Variants in TAF1B observed in about 807,000 individuals in gnomAD.
The protein encoded by TAF1B is TATA box-binding protein-associated factor RNA polymerase I subunit B.
TAF1B carries 61 observed loss-of-function variants against 83.9 expected under a neutral mutation model. The observed-to-expected ratio is 0.73, with a 90% CI of 0.59 to 0.90. The LOEUF (loss-of-function observed/expected upper bound fraction) is 0.90, where lower values mean the gene tolerates loss of function less well. TAF1B is among the 40% of genes least tolerant of loss of function. The pLI is 0.00. For synonymous variants in TAF1B, 221 were observed against 224.6 expected, an observed-to-expected ratio of 0.98 and a Z score of 0.14; for missense variants, 625 against 677.0, an observed-to-expected ratio of 0.92 and a Z score of 0.85.
intron 5 of TAF1B, among the ~76,000 whole-genome samples, chr2:9,854,997 G>T (rs287993): frequency 0.21 from 29,499 of 141,520 alleles, 3,626 homozygotes; most frequent in Non-Finnish European, 0.31. Context: ...TTGTTCATTT[G>T]TTTGGTTTTT....
intron 14 of TAF1B, among the ~76,000 whole-genome samples, chr2:9,933,155 G>A (rs867056380): frequency 2.2e-4 from 33 of 152,152 alleles, no homozygotes; most frequent in African/African-American, 6.8e-4. Flanking sequence ...CTCACCCTCC[G>A]TGGGCTGCAC....
In TAF1B at chr2:9,919,581, T is replaced by C. The variant is rs749214092; in HGVS notation, c.1343-17T>C. The C allele has an allele frequency of 5.3e-5, 85 of 1,605,146 alleles. No homozygotes were observed. In the African/African-American group the frequency reaches 9.2e-4, roughly 17 times the overall value. On this transcript the variant is annotated splice_polypyrimidine_tract_variant and intron_variant, in intron 13 of 14. Transcript: ENST00000263663. Reference sequence around the variant, plus strand: ...ACATTACTTGTTATTTTGTTTCCTTTTTTTCTCCGGTTCCAGAAATGGTGG... The same window carrying C: ...ACATTACTTGTTATTTTGTTTCCTTCTTTTCTCCGGTTCCAGAAATGGTGG...
In TAF1B at chr2:9,889,922, C is replaced by T. The variant is rs145846052; in HGVS notation, c.807+7117C>T. ...TGAGCTTTGGAAATTGTTTGCTCTA[C>T]TGCTTTCCTGTTATTTTTTTCCCTG... On this transcript the variant is annotated intron_variant, in intron 8 of 14. Coordinates refer to ENST00000263663, the MANE Select transcript of TAF1B (RefSeq NM_005680.3). Among the ~76,000 whole-genome samples the T allele has an allele frequency of 3.3e-5, 5 of 152,320 alleles. No homozygotes were observed. In the East Asian group the frequency reaches 9.6e-4, roughly 29 times the overall value.
rs943703290 is a variant in TAF1B at position 9,914,045 on chromosome 2, A to G, written c.1271+796A>G. 1.3e-5 allele frequency among the ~76,000 whole-genome samples: 2 copies of G among 152,230 alleles called. No individual in the cohort carries two copies. The highest frequency in any genetic ancestry group is 1.5e-5 in the Non-Finnish European group (1 of 68,036). ...GAATTTGTTCAGCTCCTATTTCTTC[A>G]TCAGTAAAATAGACATAATAATGCC... On this transcript the variant is annotated intron_variant, in intron 12 of 14. Coordinates refer to ENST00000263663, the MANE Select transcript of TAF1B (RefSeq NM_005680.3). The surrounding 1 kb of genome is among the most constrained non-coding windows in gnomAD (Gnocchi z 4.3).
intron 14 of TAF1B, among the ~76,000 whole-genome samples, chr2:9,927,022 G>GC (rs70948856): frequency 0.98 from 133,728 of 136,174 alleles, 65,643 homozygotes; most frequent in Middle Eastern, 0.99. Context: ...CCCTCCCCCT[G>GC]CCCCCACCCC....
At chr2:9,844,791 TGAATAAATCGAAAC>T (rs1349925287) in intron 1 of TAF1B, among the ~76,000 whole-genome samples, 7 of 152,144 alleles carry the variant, frequency 4.6e-5, no homozygotes, top group Non-Finnish European at 1.0e-4. Flanking sequence ...TGCTGCCGAG[TGAATAAATCGAAAC>T]TTGAAACCAT....
rs142457164 is a variant in TAF1B, at chr2:9,845,286, T to C, written c.85T>C (p.Tyr29His). ...ATGGGGTCTTACTGATGAAGGCAAATATTATTGCACTTCTTGCCACAATGT... is the reference window on the plus strand; with the variant it reads ...ATGGGGTCTTACTGATGAAGGCAAACATTATTGCACTTCTTGCCACAATGT... Reference protein sequence around the residue: ...VSWGLTDEGKYYCTSCHNVTE... With the variant: ...VSWGLTDEGKHYCTSCHNVTE... Residue 29 changes from tyrosine (Y) to histidine (H), a missense_variant, in exon 2 of 15, where the codon TAT (tyrosine) becomes CAT (histidine). Transcript: ENST00000263663. The C allele has an allele frequency of 8.2e-5, 133 of 1,613,852 alleles. No individual in the cohort carries two copies. Among genetic ancestry groups the C allele is most frequent in the Middle Eastern group, 3.3e-4 (2 of 6,060 alleles).
intron 12 of TAF1B, among the ~76,000 whole-genome samples, chr2:9,915,178 T>C (rs1422364390): frequency 2.0e-5 from 3 of 152,202 alleles, no homozygotes; most frequent in Non-Finnish European, 4.4e-5. Flanking sequence ...AATTGGTGTA[T>C]AGTGATATCT....
chr2:9,867,651 T>C (rs933276163), intron 5 of TAF1B, among the ~76,000 whole-genome samples: 6 of 151,974 alleles, frequency 3.9e-5, no homozygotes, highest in Non-Finnish European at 8.8e-5. Context: ...GCTAATGAGG[T>C]CTTTAGGTAG....
chr2:9,882,315 G>A (rs1487271166), intron 7 of TAF1B, among the ~76,000 whole-genome samples: 3 of 152,066 alleles, frequency 2.0e-5, no homozygotes, highest in Non-Finnish European at 4.4e-5. Context: ...GGCCAGGCTG[G>A]TCTCGGACTC....
chr2:9,915,457 C>T (rs1181563409), intron 12 of TAF1B, among the ~76,000 whole-genome samples: 1 of 152,106 alleles, frequency 6.6e-6, no homozygotes, highest in East Asian at 1.9e-4. Context: ...AAGAAAAAAA[C>T]TCCATTTTTT....
rs764838666 is a variant in TAF1B at position 9,851,565 on chromosome 2, G to A, written c.230G>A (p.Cys77Tyr). 2 of 1,612,062 alleles carry A rather than the reference G, an allele frequency of 1.2e-6. No homozygotes were observed. Among genetic ancestry groups the A allele is most frequent in the South Asian group, 1.1e-5 (1 of 90,420 alleles). ...NTEKGWDWYV[C>Y]EGFQYILYQQ... ...GAAAAAGGCTGGGATTGGTATGTGTGTGAAGGTTTCCAGTATATTCTTTAT... is the reference window on the plus strand; with the variant it reads ...GAAAAAGGCTGGGATTGGTATGTGTATGAAGGTTTCCAGTATATTCTTTAT... The change falls in exon 4 of 15, where the codon TGT (cysteine) becomes TAT (tyrosine). Residue 77 changes from cysteine (C) to tyrosine (Y), a missense_variant. By Grantham distance (194) the Cys-to-Tyr change is radical (BLOSUM62 -2). Coordinates refer to ENST00000263663, the MANE Select transcript of TAF1B (RefSeq NM_005680.3).
chr2:9,931,156 A>G (rs1254612012), intron 14 of TAF1B, among the ~76,000 whole-genome samples: 3 of 152,144 alleles, frequency 2.0e-5, no homozygotes, highest in African/African-American at 7.2e-5. Flanking sequence ...TGGGGCATTT[A>G]GCCCATTTAC....
At chr2:9,920,984 A>G (rs1490301555) in intron 14 of TAF1B, among the ~76,000 whole-genome samples, 1 of 152,174 alleles carries the variant, frequency 6.6e-6, no homozygotes, top group African/African-American at 2.4e-5. Context: ...TCTGTGGCAT[A>G]CTGGCTCTTA....
intron 11 of TAF1B, 89 bp from the exon 12 acceptor site, chr2:9,913,070 G>A (rs1441903037): frequency 1.9e-6 from 2 of 1,063,574 alleles, no homozygotes; most frequent in East Asian, 2.4e-5. Context: ...ACTGCCCAGT[G>A]CAGTCAATTA....
intron 2 of TAF1B, among the ~76,000 whole-genome samples, chr2:9,849,166 A>G (rs1663301415): frequency 6.6e-6 from 1 of 152,206 alleles, no homozygotes; most frequent in Non-Finnish European, 1.5e-5. Flanking sequence ...TATTCCAGGC[A>G]CTGTTTTAGT....
At chr2:9,898,288 C>T (rs1210322362) in intron 8 of TAF1B, among the ~76,000 whole-genome samples, 1 of 152,100 alleles carries the variant, frequency 6.6e-6, no homozygotes, top group Non-Finnish European at 1.5e-5. Flanking sequence ...AGTGTGGGCT[C>T]TAAGAAGATG....
intron 3 of TAF1B, 115 bp downstream of exon 3, chr2:9,849,575 C>T (rs575090729): frequency 1.5e-6 from 1 of 653,016 alleles, no homozygotes; most frequent in South Asian, 2.5e-5. Flanking sequence ...CAGATTTTAT[C>T]TACTGGCATA....
intron 4 of TAF1B, among the ~76,000 whole-genome samples, chr2:9,852,972 G>T (rs190312417): frequency 2.0e-5 from 3 of 152,176 alleles, no homozygotes; most frequent in Non-Finnish European, 4.4e-5. Context: ...CCTGAAAGGC[G>T]TTAAGAATTA....
Sources: allele counts gnomAD v4.1 joint callset (sites outside exome capture counted in the v4.1 genomes callset), GRCh38; gene constraint gnomAD v4.1.1; non-coding constraint Gnocchi (gnomAD v3.1); transcripts MANE v1.5; gene names NCBI Gene and HGNC (gene_info 2026-07-23, HGNC 2026-07-21).